Variants in GDAP2 observed in about 807,000 individuals in gnomAD.
The protein encoded by GDAP2 is ganglioside induced differentiation associated protein 2.
Under a neutral mutation model 67.0 loss-of-function variants are expected in GDAP2, and 51 were observed. The observed-to-expected ratio is 0.76, with a 90% CI of 0.61 to 0.96. GDAP2 has a LOEUF of 0.96. Ranked by LOEUF, GDAP2 falls within the 40% of genes least tolerant of loss-of-function variation. The probability of loss-of-function intolerance (pLI) is 0.00; values close to 1 mark genes in which losing one functional copy is unlikely to be tolerated. For synonymous variants in GDAP2, 203 were observed against 207.3 expected, an observed-to-expected ratio of 0.98 and a Z score of 0.18; for missense variants, 547 against 588.3, an observed-to-expected ratio of 0.93 and a Z score of 0.73.
chr1:117,880,834 A>C (rs1243382359), intron 12 of GDAP2, among the ~76,000 whole-genome samples: 1 of 152,180 alleles, frequency 6.6e-6, no homozygotes, highest in Non-Finnish European at 1.5e-5. Flanking sequence ...TCATGGGAGG[A>C]ACTGGCAGAT....
chr1:117,891,524 G>A (rs555859904), intron 8 of GDAP2, among the ~76,000 whole-genome samples: 12 of 152,108 alleles, frequency 7.9e-5, no homozygotes, highest in Non-Finnish European at 4.4e-5. Context: ...TTGAGATTCT[G>A]CTCATGTTGA....
chr1:117,863,788 A>G lies in GDAP2; in HGVS notation c.*6781T>C, dbSNP rs1225239730. On this transcript the variant is annotated 3_prime_UTR_variant, in exon 14 of 14. Coordinates refer to ENST00000369443, the MANE Select transcript of GDAP2 (RefSeq NM_017686.4). ...CTACCACTCAATATGTAATATATAT[A>G]AAGAGCTTAGCAGCGTTCAAGGCAC... The G allele has an allele frequency of 6.6e-6, 1 of 152,254 alleles. No individual in the cohort carries two copies. Among genetic ancestry groups the G allele is most frequent in the African/African-American group, 2.4e-5 (1 of 41,472 alleles). 9.4% of individuals were successfully genotyped at this position (152,254 alleles called of 1,614,324 possible).
At chr1:117,884,251 T>C (rs1048534863) in intron 10 of GDAP2, among the ~76,000 whole-genome samples, 1 of 152,138 alleles carries the variant, frequency 6.6e-6, no homozygotes, top group African/African-American at 2.4e-5. Flanking sequence ...TCTAGAGCTC[T>C]GAAAGATTCA....
At chr1:117,879,682 A>G (rs1455676952) in intron 12 of GDAP2, among the ~76,000 whole-genome samples, 1 of 152,208 alleles carries the variant, frequency 6.6e-6, no homozygotes. Flanking sequence ...GAGATGATAA[A>G]TTGATAACTG....
rs3767825 is a variant in GDAP2 at position 117,910,336 on chromosome 1, A to T, written c.559+1658T>A. ...TAAGTGGAATTTACTTGTCCCTTTT[A>T]AAAATATATATTTCTTGAGCAAGTA... On this transcript the variant is annotated intron_variant, in intron 5 of 13. Transcript: ENST00000369443. Among the ~76,000 whole-genome samples, 405 of 152,262 alleles carry T rather than the reference A, an allele frequency of 2.7e-3. 4 individuals carry two copies. The East Asian group carries it at 0.032, about 12-fold the overall frequency.
intron 13 of GDAP2, among the ~76,000 whole-genome samples, chr1:117,876,198 C>T (rs1181730151): frequency 6.6e-6 from 1 of 152,048 alleles, no homozygotes; most frequent in South Asian, 2.1e-4. Context: ...TGGTGCTGTC[C>T]TTGTGGTAAT....
Position 117,896,887 on chromosome 1 carries a change from A to G in GDAP2, c.899T>C (p.Leu300Pro). The G allele has an allele frequency of 6.2e-7, 1 of 1,613,286 alleles. No homozygotes were observed. The highest frequency in any genetic ancestry group is 8.5e-7 in the Non-Finnish European group (1 of 1,179,466). ...CTCTGATAATTGTCCCTGAAGGATCAGTTTTCTTTGCTTGTCAATATCTCC... is the reference window on the plus strand; with the variant it reads ...CTCTGATAATTGTCCCTGAAGGATCGGTTTTCTTTGCTTGTCAATATCTCC... ...MEGDIDKQRKLILQGQLSEAA... is the reference protein window; with the variant it reads ...MEGDIDKQRKPILQGQLSEAA... Residue 300 changes from leucine to proline, a missense_variant, in exon 8 of 14, where the codon CTG becomes CCG. Coordinates refer to ENST00000369443, the MANE Select transcript of GDAP2 (RefSeq NM_017686.4).
At position 117,920,349 on chromosome 1, in the gene GDAP2, G is replaced by A. The variant is rs1458060438; in HGVS notation, c.9C>T (p.Pro3=). The A allele has an allele frequency of 6.3e-7, 1 of 1,591,012 alleles. No individual in the cohort carries two copies. MD[P]LGAPSQFVDV... ...CCACAAACTGGGAAGGTGCACCTAA[G>A]GGATCCATGGAATGGGAACTTTGAT... The change falls in exon 2 of 14, where the codon CCC becomes CCT. Residue 3 remains proline (P), a synonymous_variant. Coordinates refer to ENST00000369443, the MANE Select transcript of GDAP2 (RefSeq NM_017686.4).
intron 10 of GDAP2, among the ~76,000 whole-genome samples, 163 bp downstream of exon 10, chr1:117,886,414 C>T (rs1006732179): frequency 5.3e-5 from 8 of 152,130 alleles, no homozygotes; most frequent in South Asian, 2.1e-4. Context: ...AACCCCTAAT[C>T]GAACTGAAAT....
At chr1:117,895,258 A>AT (rs1649226424) in intron 8 of GDAP2, among the ~76,000 whole-genome samples, 1 of 152,082 alleles carries the variant, frequency 6.6e-6, no homozygotes, top group African/African-American at 2.4e-5. Flanking sequence ...ATACTCCTCC[A>AT]TTTTCCAATT....
chr1:117,915,349 A>G (rs1456301388), intron 3 of GDAP2, among the ~76,000 whole-genome samples: 1 of 151,102 alleles, frequency 6.6e-6, no homozygotes, highest in African/African-American at 2.4e-5. Context: ...TGTCATAGAC[A>G]GGGGACTGTG....
chr1:117,922,045 T>C (rs754672852), intron 1 of GDAP2, among the ~76,000 whole-genome samples: 1 of 147,248 alleles, frequency 6.8e-6, no homozygotes, highest in Non-Finnish European at 1.5e-5. Flanking sequence ...AACCAATGGT[T>C]TTTTTTTCTT....
chr1:117,903,683 G>A (rs1316163497), intron 6 of GDAP2, among the ~76,000 whole-genome samples: 1 of 152,058 alleles, frequency 6.6e-6, no homozygotes, highest in Non-Finnish European at 1.5e-5. Context: ...GATAATTTTT[G>A]CATCTCTATT....
rs1485694083 is a variant in GDAP2, at chr1:117,878,115, C to G, written c.1340G>C (p.Gly447Ala). 1 of 1,604,810 alleles carries G rather than the reference C, an allele frequency of 6.2e-7. No homozygotes were observed. The highest frequency in any genetic ancestry group is 1.3e-5 in the African/African-American group (1 of 74,550). Residue 447 changes from glycine to alanine, a missense_variant, in exon 13 of 14, where the codon GGA becomes GCA. Physicochemically the swap from Gly to Ala is moderately conservative, Grantham distance 60. Coordinates refer to ENST00000369443, the MANE Select transcript of GDAP2 (RefSeq NM_017686.4). The stretch of plus-strand genomic sequence containing the variant: ...CACATGGTGGATTTTGTCCTTCAGT[C>G]CTGAGACAGAAAAGGTGGTAAAAAA... ...TWFFTTFSVSGLKDKIHHVDS... is the reference protein window; with the variant it reads ...TWFFTTFSVSALKDKIHHVDS...
At chr1:117,928,623 T>C (rs1650550659) in intron 1 of GDAP2, among the ~76,000 whole-genome samples, 1 of 152,252 alleles carries the variant, frequency 6.6e-6, no homozygotes, top group African/African-American at 2.4e-5. Flanking sequence ...TTCTTTGCTA[T>C]TGCAATTTTC....
chr1:117,912,535 T>C lies in GDAP2; in HGVS notation c.465A>G (p.Leu155=). ...AGAAAATGAGTAGACCATACTTTGC[T>C]AGTTGAAGTACGTTTCTGTAGCAGC... The part of the protein sequence containing the change: ...LYSCYRNVLQ[L]AKEQSMSSVG... Residue 155 remains leucine, a synonymous_variant, in exon 4 of 14, where the codon CTA becomes CTG. Transcript: ENST00000369443. 1.2e-6 allele frequency: 2 copies of C among 1,612,974 alleles called. No individual in the cohort carries two copies. Among genetic ancestry groups the C allele is most frequent in the South Asian group, 1.1e-5 (1 of 90,980 alleles).
intron 6 of GDAP2, among the ~76,000 whole-genome samples, chr1:117,902,901 A>G (rs1431102636): frequency 6.6e-6 from 1 of 152,182 alleles, no homozygotes; most frequent in Non-Finnish European, 1.5e-5. Context: ...GTGAACATAG[A>G]TGTCTTTCCA....
chr1:117,914,433 T>C (rs906786860), intron 3 of GDAP2, among the ~76,000 whole-genome samples: 1 of 151,762 alleles, frequency 6.6e-6, no homozygotes, highest in Non-Finnish European at 1.5e-5. Context: ...AAATAAGAGA[T>C]AACAGATGAG....
intron 10 of GDAP2, among the ~76,000 whole-genome samples, chr1:117,884,849 G>A (rs1475222088): frequency 7.9e-6 from 1 of 126,280 alleles, no homozygotes; most frequent in African/African-American, 3.1e-5. Context: ...TGTGTGTTCT[G>A]TTTGTTCGAG....
Sources: gnomAD v4.1 joint callset for allele counts (sites outside exome capture counted in the v4.1 genomes callset) on GRCh38, gnomAD v4.1.1 for gene constraint, MANE v1.5 for transcripts, NCBI Gene and HGNC (gene_info 2026-07-23, HGNC 2026-07-21) for gene names.